Variants in SOX6 observed in about 807,000 individuals in gnomAD.
SOX6 encodes the protein transcription factor SOX-6.
Under a neutral mutation model 97.8 loss-of-function variants are expected in SOX6, and 11 were observed. That is an observed-to-expected ratio of 0.11 (90% CI 0.07 to 0.19). The LOEUF is 0.19. Ranked by LOEUF, SOX6 falls within the 10% of genes least tolerant of loss-of-function variation. The probability of loss-of-function intolerance (pLI) is 1.00; values close to 1 mark genes in which losing one functional copy is unlikely to be tolerated. For missense variants in SOX6, 810 were observed against 1,039.5 expected (o/e 0.78, Z 3.04); for synonymous variants, 360 against 371.4 (o/e 0.97, Z 0.35).
At chr11:16,503,994 G>A (rs1040807122) in intron 4 of SOX6, among the ~76,000 whole-genome samples, 2 of 151,914 alleles carry the variant, frequency 1.3e-5, no homozygotes, top group African/African-American at 4.8e-5. Flanking sequence ...AGTGAGCTGA[G>A]ATTGCACCAC....
At chr11:16,458,999 CAG>C (rs1859867809) in intron 1 of SOX6, among the ~76,000 whole-genome samples, 1 of 151,912 alleles carries the variant, frequency 6.6e-6, no homozygotes, top group Non-Finnish European at 1.5e-5. Context: ...CAGAGATATG[CAG>C]AGAGTCTGAC....
intron 4 of SOX6, among the ~76,000 whole-genome samples, chr11:16,209,766 A>C (rs1332728605): frequency 6.6e-6 from 1 of 152,108 alleles, no homozygotes; most frequent in East Asian, 1.9e-4. Flanking sequence ...AAAAAGAAAA[A>C]ATTATATATA....
intron 3 of SOX6, among the ~76,000 whole-genome samples, chr11:16,691,959 A>G (rs979330257): frequency 6.6e-6 from 1 of 151,372 alleles, no homozygotes; most frequent in Admixed American, 6.6e-5. Flanking sequence ...TTCTCCACTT[A>G]CCTCCCTGTT....
chr11:16,374,078 CA>C (rs1857579657), intron 1 of SOX6, among the ~76,000 whole-genome samples: 1 of 152,028 alleles, frequency 6.6e-6, no homozygotes, highest in Non-Finnish European at 1.5e-5. Flanking sequence ...GATATTATCT[CA>C]AAATATTATG....
At chr11:16,552,218 T>C (rs1377438159) in intron 4 of SOX6, among the ~76,000 whole-genome samples, 1 of 152,072 alleles carries the variant, frequency 6.6e-6, no homozygotes, top group Non-Finnish European at 1.5e-5. Flanking sequence ...AGGAGTTAAG[T>C]GTTCCTTTAA....
intron 3 of SOX6, among the ~76,000 whole-genome samples, chr11:16,260,926 A>G (rs1407763187): frequency 6.6e-6 from 1 of 152,112 alleles, no homozygotes; most frequent in Non-Finnish European, 1.5e-5. Flanking sequence ...ATTCCCCCAA[A>G]GCACCAGCTG....
At chr11:16,433,099 C>T (rs1203903893) in intron 1 of SOX6, among the ~76,000 whole-genome samples, 1 of 151,860 alleles carries the variant, frequency 6.6e-6, no homozygotes, top group Non-Finnish European at 1.5e-5. Flanking sequence ...ACTGAACTGC[C>T]AAAGATAGAC....
intron 1 of SOX6, among the ~76,000 whole-genome samples, chr11:16,345,541 T>C (rs1856753693): frequency 6.6e-6 from 1 of 152,006 alleles, no homozygotes; most frequent in African/African-American, 2.4e-5. Context: ...ATTATTTTAC[T>C]CCAAAACACC....
At chr11:16,142,899 A>G (rs1850183536) in intron 6 of SOX6, among the ~76,000 whole-genome samples, 1 of 152,156 alleles carries the variant, frequency 6.6e-6, no homozygotes, top group East Asian at 1.9e-4. Flanking sequence ...AGTGATGGGG[A>G]GAATGGAACC....
At chr11:16,339,372 G>A (rs1229464248) in intron 2 of SOX6, among the ~76,000 whole-genome samples, 7 of 151,844 alleles carry the variant, frequency 4.6e-5, no homozygotes, top group East Asian at 1.9e-4. Flanking sequence ...ACTCTCCAGC[G>A]ACGAAGGCCA....
At chr11:16,439,882 C>T (rs1184471965) in intron 1 of SOX6, among the ~76,000 whole-genome samples, 1 of 152,114 alleles carries the variant, frequency 6.6e-6, no homozygotes, top group Non-Finnish European at 1.5e-5. Flanking sequence ...CTCACTACAC[C>T]TCTCTATAAA....
At chr11:16,534,481 A>G (rs911965548) in intron 4 of SOX6, among the ~76,000 whole-genome samples, 3 of 152,142 alleles carry the variant, frequency 2.0e-5, no homozygotes, top group African/African-American at 7.2e-5. Flanking sequence ...TCCAATTCTA[A>G]AACAATGCAG....
chr11:16,701,311 T>A (rs570062991), intron 3 of SOX6, among the ~76,000 whole-genome samples: 1 of 152,202 alleles, frequency 6.6e-6, no homozygotes, highest in Admixed American at 6.5e-5. Context: ...ATCTGTTTCC[T>A]ACGTAAAATG....
intron 3 of SOX6, among the ~76,000 whole-genome samples, chr11:16,698,378 G>C (rs1848069254): frequency 6.6e-6 from 1 of 152,148 alleles, no homozygotes; most frequent in Non-Finnish European, 1.5e-5. Flanking sequence ...TCCTAGAACT[G>C]GGAGAGTTGG....
At chr11:16,239,548 T>C (rs1853121956) in intron 3 of SOX6, among the ~76,000 whole-genome samples, 1 of 152,138 alleles carries the variant, frequency 6.6e-6, no homozygotes, top group Non-Finnish European at 1.5e-5. Context: ...GTTATATTAC[T>C]GATCTTTTTT....
At chr11:16,604,899 A>T (rs2133979417) in intron 4 of SOX6, among the ~76,000 whole-genome samples, 1 of 152,274 alleles carries the variant, frequency 6.6e-6, no homozygotes, top group Middle Eastern at 3.4e-3. Flanking sequence ...TTTTTATCTT[A>T]AAGCTCTGCG....
At chr11:16,048,500 C>T (rs1847601105) in intron 11 of SOX6, among the ~76,000 whole-genome samples, 1 of 152,116 alleles carries the variant, frequency 6.6e-6, no homozygotes, top group African/African-American at 2.4e-5. Flanking sequence ...GACCTAGATT[C>T]TAGTCCTGTT....
intron 6 of SOX6, among the ~76,000 whole-genome samples, chr11:16,132,384 AAG>A (rs1849798787): frequency 1.0e-5 from 1 of 99,902 alleles, no homozygotes; most frequent in African/African-American, 4.4e-5. Context: ...GAAAGAAAGA[AAG>A]AAAGAAAGAA....
At chr11:16,518,518 G>T (rs955316078) in intron 4 of SOX6, among the ~76,000 whole-genome samples, 6 of 152,156 alleles carry the variant, frequency 3.9e-5, no homozygotes, top group Non-Finnish European at 8.8e-5. Context: ...TCATTGAGGG[G>T]AGAAGACTTG....
Sources: gnomAD v4.1 joint callset for allele counts (sites outside exome capture counted in the v4.1 genomes callset) on GRCh38, gnomAD v4.1.1 for gene constraint, MANE v1.5 for transcripts, NCBI Gene and HGNC (gene_info 2026-07-23, HGNC 2026-07-21) for gene names.